CA4: variants seen among roughly 807,000 people sequenced by gnomAD.
The protein encoded by CA4 is CA-IV.
A neutral mutation model predicts 34.5 loss-of-function variants in CA4; 24 were observed. The ratio of observed to expected loss-of-function variants is 0.70; its 90% CI spans 0.50 to 0.98. The LOEUF is 0.98. Among genes scored for constraint, CA4 ranks in the 50% least tolerant of loss-of-function variants. CA4 has a pLI of 0.00. For missense variants in CA4, 394 were observed against 396.7 expected, an observed-to-expected ratio of 0.99 and a Z score of 0.06; for synonymous variants, 178 against 170.6, an observed-to-expected ratio of 1.04 and a Z score of -0.34.
At position 60,155,294 on chromosome 17, in the gene CA4, A is replaced by G. The variant is rs2083657504; in HGVS notation, c.59-20A>G. 1.2e-6 allele frequency: 2 copies of G among 1,607,898 alleles called. No individual in the cohort carries two copies. Among genetic ancestry groups the G allele is most frequent in the Admixed American group, 3.4e-5 (2 of 59,364 alleles). On this transcript the variant is annotated intron_variant, in intron 1 of 7. Coordinates refer to ENST00000300900, the MANE Select transcript of CA4 (RefSeq NM_000717.5). Reference sequence around the variant, plus strand: ...CAAGACACACGCACGCACACTTCACACCCTTCCTCTCTGCTCCAGAGTCAC... The same window carrying G: ...CAAGACACACGCACGCACACTTCACGCCCTTCCTCTCTGCTCCAGAGTCAC...
downstream of CA4, among the ~76,000 whole-genome samples, chr17:60,163,083 G>C (rs1009706196): frequency 2.0e-5 from 3 of 152,026 alleles, no homozygotes; most frequent in African/African-American, 7.3e-5. Flanking sequence ...TCCCCATCTT[G>C]GCTCTTGGTT....
downstream of CA4, among the ~76,000 whole-genome samples, chr17:60,162,546 T>TACACACACAC (rs770876140): frequency 2.0e-4 from 27 of 132,230 alleles, no homozygotes; most frequent in African/African-American, 5.0e-4. Flanking sequence ...CTGCATGGGG[T>TACACACACAC]ACACACACAC....
the CA4 span, among the ~76,000 whole-genome samples, chr17:60,178,038 A>G: frequency 1.3e-5 from 2 of 152,132 alleles, no homozygotes; most frequent in South Asian, 2.1e-4. Context: ...AAAATGAAGT[A>G]AGCAAAGAAA....
chr17:60,170,267 CAT>C (rs1400972043), intron 5 of CA4, among the ~76,000 whole-genome samples: 1 of 152,190 alleles, frequency 6.6e-6, no homozygotes, highest in Non-Finnish European at 1.5e-5. Context: ...GTGGATGAAG[CAT>C]AGTCAGGTAG....
the CA4 span, among the ~76,000 whole-genome samples, chr17:60,176,953 C>T: frequency 1.3e-5 from 2 of 152,180 alleles, no homozygotes; most frequent in African/African-American, 2.4e-5. Flanking sequence ...AGAGGCAGAG[C>T]TCAGGTGGTA....
rs2145269502 is a variant in CA4 at position 60,156,583 on chromosome 17, T to G, written c.136T>G (p.Cys46Gly). 1 of 1,614,190 alleles carries G rather than the reference T, an allele frequency of 6.2e-7. No individual in the cohort carries two copies. The highest frequency in any genetic ancestry group is 8.5e-7 in the Non-Finnish European group (1 of 1,180,012). ...CLVPVKWGGN[C>G]QKDRQSPINI... is the part of the protein sequence containing the mutation. ...AGTGCCAGTCAAGTGGGGTGGAAAC[T>G]GCCAGAAGGACCGCCAGTCCCCCAT... Residue 46 changes from cysteine to glycine, a missense_variant, in exon 3 of 8, where the codon TGC becomes GGC. Coordinates refer to ENST00000300900, the MANE Select transcript of CA4 (RefSeq NM_000717.5).
intron 5 of CA4, among the ~76,000 whole-genome samples, chr17:60,168,971 G>C (rs1285768533): frequency 6.6e-6 from 1 of 152,142 alleles, no homozygotes; most frequent in Admixed American, 6.5e-5. Context: ...TCACAACCAG[G>C]CACGGTGACT....
At chr17:60,160,634 G>A (rs1369024070), downstream of CA4, among the ~76,000 whole-genome samples, 1 of 152,022 alleles carries the variant, frequency 6.6e-6, no homozygotes, top group Non-Finnish European at 1.5e-5. Flanking sequence ...CATGGTGGCG[G>A]GTGCCGGTAA....
intron 7 of CA4, chr17:60,158,947 G>C (rs1168364592): frequency 2.6e-5 from 13 of 507,866 alleles, no homozygotes; most frequent in Non-Finnish European, 4.6e-5. Flanking sequence ...TCAAGTTTGA[G>C]AGCCACAGTC....
At chr17:60,166,126 T>G (rs1300661905) in intron 5 of CA4, among the ~76,000 whole-genome samples, 1 of 152,144 alleles carries the variant, frequency 6.6e-6, no homozygotes, top group Non-Finnish European at 1.5e-5. Context: ...ATCAAGGGGT[T>G]TTCCCTCCTG....
In CA4 at chr17:60,150,094, T is replaced by C. The variant is rs779830439; in HGVS notation, c.58+2T>C. On this transcript the variant is annotated splice_donor_variant, in intron 1 of 7. Coordinates refer to ENST00000300900, the MANE Select transcript of CA4 (RefSeq NM_000717.5). LOFTEE classifies it high-confidence loss of function. ...CGGCGCGGCCATCGGCCAGTGCAGG[T>C]GAGCTCCCGGGCTCCGGCCCCAGGT... The C allele has an allele frequency of 6.3e-7, 1 of 1,596,424 alleles. No individual in the cohort carries two copies. The highest frequency in any genetic ancestry group is 8.5e-7 in the Non-Finnish European group (1 of 1,178,042).
At chr17:60,177,159 A>G in the CA4 span, among the ~76,000 whole-genome samples, 1 of 152,248 alleles carries the variant, frequency 6.6e-6, no homozygotes, top group Non-Finnish European at 1.5e-5. Flanking sequence ...AGGAGAATTA[A>G]AACAGGATCA....
In CA4 at chr17:60,156,549, T is replaced by C; in HGVS notation, c.113-11T>C. ...CACCCGACTCTCAGCCCACCTTCTC[T>C]CCCTGCTCAGTGCCAGTCAAGTGGG... is the stretch of plus-strand genomic sequence containing the variant. On this transcript the variant is annotated splice_polypyrimidine_tract_variant and intron_variant, in intron 2 of 7. Coordinates refer to ENST00000300900, the MANE Select transcript of CA4 (RefSeq NM_000717.5). 3 of 1,614,116 alleles carry C rather than the reference T, an allele frequency of 1.9e-6. No homozygotes were observed. The highest frequency in any genetic ancestry group is 2.5e-6 in the Non-Finnish European group (3 of 1,179,974).
downstream of CA4, among the ~76,000 whole-genome samples, chr17:60,161,173 T>G (rs1199576834): frequency 6.6e-6 from 1 of 151,572 alleles, no homozygotes; most frequent in Non-Finnish European, 1.5e-5. Flanking sequence ...ACATCTCTAA[T>G]GGGTTGTTTT....
intron 5 of CA4, among the ~76,000 whole-genome samples, chr17:60,168,501 TG>T (rs1352682247): frequency 2.0e-3 from 22 of 11,134 alleles, no homozygotes; most frequent in Non-Finnish European, 3.1e-3. Flanking sequence ...TTTCTTTTTT[TG>T]GGGGGGCAGG....
At chr17:60,150,227 C>A (rs1202594214) in intron 1 of CA4, 135 bp downstream of exon 1, 2 of 709,618 alleles carry the variant, frequency 2.8e-6, no homozygotes, top group Admixed American at 5.7e-5. Context: ...TGCGTGTGCG[C>A]CGGGGGCCGC....
intron 1 of CA4, among the ~76,000 whole-genome samples, chr17:60,153,469 T>C (rs2083625175): frequency 6.6e-6 from 1 of 152,244 alleles, no homozygotes. Context: ...CTTCTCTGAC[T>C]TTTGGGAATG....
intron 5 of CA4, among the ~76,000 whole-genome samples, chr17:60,167,681 A>T (rs1334941643): frequency 6.6e-6 from 1 of 152,218 alleles, no homozygotes; most frequent in Non-Finnish European, 1.5e-5. Flanking sequence ...GGGCTGACAC[A>T]GTCAACCTGG....
At chr17:60,173,000 G>A (rs1368919726), downstream of CA4, among the ~76,000 whole-genome samples, 2 of 151,766 alleles carry the variant, frequency 1.3e-5, no homozygotes, top group Non-Finnish European at 2.9e-5. Flanking sequence ...AAAATTAGCT[G>A]GGTGTGGTGG....
Sources: gnomAD v4.1 joint callset for allele counts (sites outside exome capture counted in the v4.1 genomes callset) on GRCh38, gnomAD v4.1.1 for gene constraint, MANE v1.5 for transcripts, NCBI Gene and HGNC (gene_info 2026-07-23, HGNC 2026-07-21) for gene names.